The following STOX1 variants were observed in gnomAD, a reference collection of about 807,000 sequenced individuals.
STOX1 encodes storkhead-box protein 1.
Under a neutral mutation model 74.8 loss-of-function variants are expected in STOX1, and 57 were observed. The ratio of observed to expected loss-of-function variants is 0.76; its 90% CI spans 0.62 to 0.95. The LOEUF is 0.95. Ranked by LOEUF, STOX1 falls within the 40% of genes least tolerant of loss-of-function variation. The probability of loss-of-function intolerance (pLI) is 0.00; values close to 1 mark genes in which losing one functional copy is unlikely to be tolerated. For synonymous variants in STOX1, 375 were observed against 401.3 expected, an observed-to-expected ratio of 0.93 and a Z score of 0.78; for missense variants, 1,010 against 1,117.0, an observed-to-expected ratio of 0.90 and a Z score of 1.37.
Position 68,886,519 on chromosome 10 carries a change from A to G in STOX1, c.2723A>G (p.His908Arg), listed in dbSNP as rs775634610. ...AAGTTCCAACTTTTCAACACTTCACATATGCCAGTGTTGGCTCAGGATGTC... is the reference window on the plus strand; with the variant it reads ...AAGTTCCAACTTTTCAACACTTCACGTATGCCAGTGTTGGCTCAGGATGTC... Reference protein sequence around the residue: ...PQKFQLFNTSHMPVLAQDVQY... With the variant: ...PQKFQLFNTSRMPVLAQDVQY... The change falls in exon 3 of 4, where the codon CAT becomes CGT. Residue 908 changes from histidine (H) to arginine (R), a missense_variant. Transcript: ENST00000298596. The G allele has an allele frequency of 1.1e-5, 17 of 1,614,032 alleles. 1 individual carries two copies. The South Asian group carries it at 1.8e-4, about 17-fold the overall frequency.
chr10:68,857,250 G>A (rs546356131), intron 1 of STOX1, among the ~76,000 whole-genome samples: 23 of 147,514 alleles, frequency 1.6e-4, no homozygotes, highest in African/African-American at 5.7e-4. Flanking sequence ...AGCCGTAGTG[G>A]TCAGACACTT....
At chr10:68,845,274 T>A (rs1375895087) in intron 1 of STOX1, among the ~76,000 whole-genome samples, 1 of 146,966 alleles carries the variant, frequency 6.8e-6, no homozygotes, top group Non-Finnish European at 1.5e-5. Flanking sequence ...CTGGCTAATT[T>A]TTTTTTTTTT....
intron 3 of STOX1, among the ~76,000 whole-genome samples, chr10:68,887,920 T>A (rs966494424): frequency 5.3e-5 from 8 of 152,156 alleles, no homozygotes; most frequent in African/African-American, 1.9e-4. Flanking sequence ...CATGCCAATT[T>A]GTTTAAATGT....
At chr10:68,876,066 CTTTT>C (rs538649877) in intron 1 of STOX1, among the ~76,000 whole-genome samples, 2 of 140,156 alleles carry the variant, frequency 1.4e-5, no homozygotes, top group East Asian at 2.0e-4. Flanking sequence ...TTACTTTTGA[CTTTT>C]TTTTTTTGTG....
At chr10:68,874,207 T>C (rs1840620129) in intron 1 of STOX1, among the ~76,000 whole-genome samples, 1 of 152,054 alleles carries the variant, frequency 6.6e-6, no homozygotes, top group Non-Finnish European at 1.5e-5. Flanking sequence ...TCTTAACGTA[T>C]GTCCCTGAGT....
At chr10:68,886,947 G>A (rs1039621716) in intron 3 of STOX1, among the ~76,000 whole-genome samples, 3 of 151,844 alleles carry the variant, frequency 2.0e-5, no homozygotes, top group African/African-American at 7.3e-5. Flanking sequence ...AAAGAAAATG[G>A]CTGATTAGCC....
intron 1 of STOX1, among the ~76,000 whole-genome samples, chr10:68,848,430 G>A (rs1268704460): frequency 1.3e-5 from 2 of 152,138 alleles, no homozygotes; most frequent in African/African-American, 4.8e-5. Flanking sequence ...CTACTGCTTG[G>A]AGCTGCAATG....
At position 68,882,075 on chromosome 10, in the gene STOX1, A is replaced by G. The variant is rs773542477; in HGVS notation, c.428A>G (p.Glu143Gly). Residue 143 changes from glutamate to glycine, a missense_variant, in exon 2 of 4, where the codon GAA becomes GGA. Physicochemically the swap from Glu to Gly is moderately conservative, Grantham distance 98 (BLOSUM62 -2). Transcript: ENST00000298596. ...MNTAQIVVTQESLLERLMKHY... is the reference protein window; with the variant it reads ...MNTAQIVVTQGSLLERLMKHY... ...ACAGCTCAGATTGTAGTAACGCAGG[A>G]ATCACTTTTGGAGCGTTTGATGAAA... is the stretch of plus-strand genomic sequence containing the variant. 1.2e-6 allele frequency: 2 copies of G among 1,613,970 alleles called. No individual in the cohort carries two copies. Among genetic ancestry groups the G allele is most frequent in the Admixed American group, 3.3e-5 (2 of 60,010 alleles).
chr10:68,839,657 A>G (rs1839644435), intron 1 of STOX1, among the ~76,000 whole-genome samples: 1 of 152,220 alleles, frequency 6.6e-6, no homozygotes, highest in South Asian at 2.1e-4. Flanking sequence ...TGGGAGGCCA[A>G]GGCAGGTGGA....
intron 1 of STOX1, among the ~76,000 whole-genome samples, chr10:68,847,789 A>G (rs948389860): frequency 6.6e-6 from 1 of 151,568 alleles, no homozygotes; most frequent in East Asian, 1.9e-4. Context: ...GAGTGCAATA[A>G]TAGCATGATC....
Position 68,832,275 on chromosome 10 carries a change from G to A in STOX1, c.310+4342G>A, listed in dbSNP as rs138641138. Among the ~76,000 whole-genome samples the A allele has an allele frequency of 7.9e-3, 1,202 of 152,288 alleles. 19 individuals carry two copies. Among genetic ancestry groups the A allele is most frequent in the African/African-American group, 0.027 (1,143 of 41,564 alleles). On this transcript the variant is annotated intron_variant, in intron 1 of 3. Transcript: ENST00000298596. ...GACAGGAAAGATTAACGGTGGGGGTGGGCGGCCACTTGGCCAAACAAGTTT... is the reference window on the plus strand; with the variant it reads ...GACAGGAAAGATTAACGGTGGGGGTAGGCGGCCACTTGGCCAAACAAGTTT...
At chr10:68,860,080 C>T (rs181438670) in intron 1 of STOX1, among the ~76,000 whole-genome samples, 6 of 151,862 alleles carry the variant, frequency 4.0e-5, no homozygotes, top group African/African-American at 1.2e-4. Context: ...TCACGAGGTC[C>T]AGAGTTCGAG....
chr10:68,831,914 ATTTTC>A (rs1229178121), intron 1 of STOX1, among the ~76,000 whole-genome samples: 4 of 139,560 alleles, frequency 2.9e-5, no homozygotes, highest in Non-Finnish European at 6.2e-5. Context: ...CAAATGTTGT[ATTTTC>A]TTTTCTTTTC....
chr10:68,858,366 T>C (rs559824773), intron 1 of STOX1, among the ~76,000 whole-genome samples: 1 of 152,246 alleles, frequency 6.6e-6, no homozygotes, highest in Non-Finnish European at 1.5e-5. Context: ...GAACATATAC[T>C]GCAGTCCTGC....
intron 1 of STOX1, among the ~76,000 whole-genome samples, chr10:68,834,984 A>G (rs1348772378): frequency 6.6e-6 from 1 of 151,930 alleles, no homozygotes; most frequent in Non-Finnish European, 1.5e-5. Flanking sequence ...TTGGCCTCCC[A>G]AAGTGCTGGG....
intron 1 of STOX1, among the ~76,000 whole-genome samples, chr10:68,862,160 CTG>C (rs1370800177): frequency 6.6e-6 from 1 of 152,048 alleles, no homozygotes; most frequent in African/African-American, 2.4e-5. Context: ...CACCAGTAGG[CTG>C]TGACAGTGAT....
intron 1 of STOX1, among the ~76,000 whole-genome samples, chr10:68,841,801 T>C (rs4746793): frequency 0.89 from 135,621 of 152,194 alleles, 60,502 homozygotes; most frequent in East Asian, 0.97. Context: ...CAGCAAAGCC[T>C]GTTTTTGCTG....
At chr10:68,875,025 C>CT (rs1840642596) in intron 1 of STOX1, among the ~76,000 whole-genome samples, 1 of 152,100 alleles carries the variant, frequency 6.6e-6, no homozygotes, top group South Asian at 2.1e-4. Context: ...TTGTGTCTGG[C>CT]TGGGTTTCCA....
intron 1 of STOX1, among the ~76,000 whole-genome samples, chr10:68,878,776 C>T (rs113272428): frequency 3.9e-5 from 6 of 152,352 alleles, no homozygotes; most frequent in African/African-American, 1.4e-4. Context: ...GGCCCCTCAA[C>T]AACCAGTACA....
Sources: gnomAD v4.1 joint callset for allele counts (sites outside exome capture counted in the v4.1 genomes callset) on GRCh38, gnomAD v4.1.1 for gene constraint, MANE v1.5 for transcripts, NCBI Gene and HGNC (gene_info 2026-07-23, HGNC 2026-07-21) for gene names.